Variants in MAP2K4 observed in about 807,000 individuals in gnomAD.
MAP2K4 encodes dual specificity mitogen-activated protein kinase kinase 4.
Under a neutral mutation model 48.5 loss-of-function variants are expected in MAP2K4, and 4 were observed. The ratio of observed to expected loss-of-function variants is 0.08; its 90% CI spans 0.04 to 0.19. The LOEUF (loss-of-function observed/expected upper bound fraction) is 0.19. MAP2K4 is among the 10% of genes least tolerant of loss of function. The pLI is 1.00. For synonymous variants in MAP2K4, 166 were observed against 173.1 expected (o/e 0.96, Z 0.32); for missense variants, 258 against 493.3 (o/e 0.52, Z 4.52).
At chr17:12,125,251 A>G (rs1233003808) in intron 7 of MAP2K4, 43 bp from the exon 8 acceptor site, 5 of 1,462,550 alleles carry the variant, frequency 3.4e-6, no homozygotes, top group Non-Finnish European at 4.8e-6. Context: ...CTATTCCTTG[A>G]GTGTAAGGCA....
At chr17:12,036,119 A>T (rs1969590202) in intron 1 of MAP2K4, among the ~76,000 whole-genome samples, 1 of 152,156 alleles carries the variant, frequency 6.6e-6, no homozygotes, top group African/African-American at 2.4e-5. Context: ...TCTATTCTTC[A>T]GTTTATTTTC....
Position 12,065,219 on chromosome 17 carries a change from T to C in MAP2K4, c.218+10228T>C, listed in dbSNP as rs1057319640. Among the ~76,000 whole-genome samples, 3 of 150,768 alleles carry C rather than the reference T, an allele frequency of 2.0e-5. No homozygotes were observed. The East Asian group carries it at 5.8e-4, about 29-fold the overall frequency. On this transcript the variant is annotated intron_variant, in intron 2 of 10. Transcript: ENST00000353533. Reference sequence around the variant, plus strand: ...CTCTATGTAAATGATGCCTCAATTTTAAAAGCAATCCTGAACAATAACAAT... The same window carrying C: ...CTCTATGTAAATGATGCCTCAATTTCAAAAGCAATCCTGAACAATAACAAT...
chr17:12,140,940 G>T (rs566612081), intron 10 of MAP2K4, among the ~76,000 whole-genome samples: 58 of 152,174 alleles, frequency 3.8e-4, no homozygotes, highest in African/African-American at 1.4e-3. Flanking sequence ...TCATTACCAC[G>T]TATCCTCTCT....
intron 3 of MAP2K4, among the ~76,000 whole-genome samples, chr17:12,087,591 C>T (rs567385365): frequency 2.6e-5 from 4 of 151,490 alleles, no homozygotes; most frequent in South Asian, 4.2e-4. Flanking sequence ...TCTCAGTATC[C>T]CCAGTGAGAA....
chr17:12,032,138 G>A (rs1330780988), intron 1 of MAP2K4: 6 of 416,328 alleles, frequency 1.4e-5, no homozygotes, highest in South Asian at 8.1e-5. Context: ...TCTGGTGGGG[G>A]TAATGTGATT....
intron 1 of MAP2K4, among the ~76,000 whole-genome samples, chr17:12,022,712 C>A (rs192348447): frequency 1.3e-5 from 2 of 152,212 alleles, no homozygotes; most frequent in Admixed American, 1.3e-4. Context: ...TGGAGGTTAT[C>A]CCCCTGTGAA....
intron 7 of MAP2K4, among the ~76,000 whole-genome samples, chr17:12,119,601 A>C (rs1972613806): frequency 6.6e-6 from 1 of 152,252 alleles, no homozygotes; most frequent in Non-Finnish European, 1.5e-5. Flanking sequence ...AGCTAAAAAC[A>C]GAATTGTCAT....
At chr17:12,064,242 C>G (rs995755659) in intron 2 of MAP2K4, among the ~76,000 whole-genome samples, 1 of 151,954 alleles carries the variant, frequency 6.6e-6, no homozygotes, top group Non-Finnish European at 1.5e-5. Context: ...TACATCACAC[C>G]CGACTCATTT....
chr17:12,036,827 G>A (rs1382569954), intron 1 of MAP2K4, among the ~76,000 whole-genome samples: 1 of 151,830 alleles, frequency 6.6e-6, no homozygotes, highest in Non-Finnish European at 1.5e-5. Flanking sequence ...TAGGCGTTTG[G>A]CAAATACTCT....
chr17:12,021,424 G>A (rs569079023), intron 1 of MAP2K4: 14 of 152,046 alleles, frequency 9.2e-5, no homozygotes, highest in Admixed American at 6.6e-5. Context: ...ACGCCGCTCA[G>A]GTAGGCGGCG....
chr17:12,112,614 T>C (rs1210869205), intron 6 of MAP2K4, among the ~76,000 whole-genome samples: 2 of 152,170 alleles, frequency 1.3e-5, no homozygotes, highest in Non-Finnish European at 2.9e-5. Flanking sequence ...TCCTATATTT[T>C]AAAACCTTAT....
rs559489279 is a variant in MAP2K4 at position 12,140,397 on chromosome 17, A to C, written c.1086+513A>C. 2.0e-3 allele frequency among the ~76,000 whole-genome samples: 301 copies of C among 152,322 alleles called. 2 individuals are homozygous for C. Among genetic ancestry groups the C allele is most frequent in the Non-Finnish European group, 3.3e-3 (226 of 68,028 alleles). On this transcript the variant is annotated intron_variant, in intron 10 of 10. Transcript: ENST00000353533. ...AATAATGTGGGAATATTTTAAGAAA[A>C]GATCCATTTGTTTGTCACATTTAAC...
At chr17:12,126,593 C>T (rs1473471639) in intron 8 of MAP2K4, among the ~76,000 whole-genome samples, 1 of 152,162 alleles carries the variant, frequency 6.6e-6, no homozygotes, top group Non-Finnish European at 1.5e-5. Context: ...TACAAGGGCA[C>T]TAATTAGATT....
chr17:12,101,044 G>C (rs1223112497), intron 4 of MAP2K4, among the ~76,000 whole-genome samples: 1 of 151,930 alleles, frequency 6.6e-6, no homozygotes, highest in Non-Finnish European at 1.5e-5. Context: ...AGTGTTTTTG[G>C]AGAGCAAAAG....
intron 7 of MAP2K4, among the ~76,000 whole-genome samples, chr17:12,122,724 A>C (rs981917927): frequency 6.6e-6 from 1 of 152,232 alleles, no homozygotes; most frequent in Non-Finnish European, 1.5e-5. Context: ...TATTAATTAA[A>C]AAGAAAGTGT....
At chr17:12,085,114 A>C (rs1452764381) in intron 3 of MAP2K4, among the ~76,000 whole-genome samples, 1 of 152,186 alleles carries the variant, frequency 6.6e-6, no homozygotes, top group Non-Finnish European at 1.5e-5. Flanking sequence ...ACTCATGTCC[A>C]GATTGACTTC....
At chr17:12,083,241 A>C (rs1292294160) in intron 3 of MAP2K4, among the ~76,000 whole-genome samples, 1 of 152,244 alleles carries the variant, frequency 6.6e-6, no homozygotes, top group Non-Finnish European at 1.5e-5. Flanking sequence ...TGACACTTAA[A>C]AGTTTTTCTC....
At chr17:12,070,089 A>C (rs1227688677) in intron 2 of MAP2K4, among the ~76,000 whole-genome samples, 1 of 151,274 alleles carries the variant, frequency 6.6e-6, no homozygotes, top group Admixed American at 6.6e-5. Context: ...GAAGAAATCA[A>C]GATCAGATGA....
chr17:12,125,138 GATA>G, intron 7 of MAP2K4, 153 bp from the exon 8 acceptor site: 2 of 601,190 alleles, frequency 3.3e-6, no homozygotes, highest in South Asian at 4.1e-5. Context: ...TTGTTTTTAT[GATA>G]ATGATGACTT....
Sources: gnomAD v4.1 joint callset for allele counts (sites outside exome capture counted in the v4.1 genomes callset) on GRCh38, gnomAD v4.1.1 for gene constraint, MANE v1.5 for transcripts, NCBI Gene and HGNC (gene_info 2026-07-23, HGNC 2026-07-21) for gene names.